The following COL4A2 variants were observed in gnomAD, a reference collection of about 807,000 sequenced individuals.
COL4A2 encodes collagen alpha-2(IV) chain.
A neutral mutation model predicts 200.2 loss-of-function variants in COL4A2; 99 were observed. That is an observed-to-expected ratio of 0.49 (90% CI 0.42 to 0.58). COL4A2 has a LOEUF of 0.58. COL4A2 is among the 20% of genes least tolerant of loss of function. The pLI, the probability that COL4A2 is intolerant of heterozygous loss-of-function variation, is 0.00. For synonymous variants in COL4A2, 897 were observed against 900.6 expected (o/e 1.00, Z 0.07); for missense variants, 1,950 against 2,314.1 (o/e 0.84, Z 3.23).
chr13:110,511,742 T>C (rs1269056550), intron 47 of COL4A2, among the ~76,000 whole-genome samples, 192 bp from the exon 48 acceptor site: 1 of 148,904 alleles, frequency 6.7e-6, no homozygotes, highest in Non-Finnish European at 1.5e-5. Context: ...GGCTGCCTCC[T>C]GCAGGGGGCC....
chr13:110,441,738 G>A (rs1018749367), intron 16 of COL4A2, among the ~76,000 whole-genome samples: 3 of 152,100 alleles, frequency 2.0e-5, no homozygotes, highest in African/African-American at 7.2e-5. Context: ...TTCCTACCAT[G>A]TGCTGGTAAA....
chr13:110,462,478 C>T, intron 24 of COL4A2, 94 bp downstream of exon 24: 9 of 1,207,532 alleles, frequency 7.5e-6, no homozygotes, highest in Admixed American at 1.9e-5. Flanking sequence ...GACATGAGCA[C>T]TAAACCAACC....
intron 25 of COL4A2, 26 bp from the exon 26 acceptor site, chr13:110,465,977 A>T: frequency 6.2e-7 from 1 of 1,609,756 alleles, no homozygotes; most frequent in South Asian, 1.1e-5. Context: ...AAATTGCCTC[A>T]CTCTGTCCTT....
At chr13:110,483,328 G>A (rs977266804) in intron 32 of COL4A2, among the ~76,000 whole-genome samples, 12 of 152,290 alleles carry the variant, frequency 7.9e-5, no homozygotes, top group Admixed American at 2.6e-4. Flanking sequence ...AAAACGCTGC[G>A]GCCAGTGTGC....
rs374611808 is a variant in COL4A2, at chr13:110,489,412, C to T, written c.3208-33C>T. On this transcript the variant is annotated intron_variant, in intron 34 of 47. Coordinates refer to ENST00000360467, the MANE Select transcript of COL4A2 (RefSeq NM_001846.4). Reference sequence around the variant, plus strand: ...TCAGAGTTACAACTGACTTCGCTAACAGCCTTCTAAGATGGTTCATGTCTG... The same window carrying T: ...TCAGAGTTACAACTGACTTCGCTAATAGCCTTCTAAGATGGTTCATGTCTG... 26 of 1,608,732 alleles carry T rather than the reference C, an allele frequency of 1.6e-5. No homozygotes were observed. The African/African-American group carries it at 3.3e-4, about 21-fold the overall frequency.
Position 110,480,258 on chromosome 13 carries a change from G to C in COL4A2, c.2626G>C (p.Ala876Pro). The change falls in exon 31 of 48, where the codon GCT (alanine) becomes CCT (proline). Residue 876 changes from alanine (A) to proline (P), a missense_variant. Physicochemically the swap from Ala to Pro is conservative, Grantham distance 27. Coordinates refer to ENST00000360467, the MANE Select transcript of COL4A2 (RefSeq NM_001846.4). ...TAGAGGGGACCCTGGGGACACAGGC[G>C]CTCCTGGCCCTGTGGGCATGAAAGG... ...GDRGDPGDTG[A>P]PGPVGMKGLS... 6.2e-7 allele frequency: 1 copy of C among 1,612,266 alleles called. No homozygotes were observed. The highest frequency in any genetic ancestry group is 1.3e-5 in the African/African-American group (1 of 74,996).
In COL4A2 at chr13:110,473,051, G is replaced by C. The variant is rs1882540552; in HGVS notation, c.2326G>C (p.Val776Leu). The C allele has an allele frequency of 7.2e-6, 11 of 1,526,052 alleles. No homozygotes were observed. The highest frequency in any genetic ancestry group is 7.0e-6 in the Non-Finnish European group (8 of 1,136,874). 94.5% of individuals were successfully genotyped at this position (1,526,052 alleles called of 1,614,324 possible). The stretch of plus-strand genomic sequence containing the variant: ...TGGGGAAAGGGGCCTCCCTGGAGAA[G>C]TCCTGGGAGCTCAGCCCGGGCCACG... ...PPGERGLPGE[V>L]LGAQPGPRGD... The change falls in exon 29 of 48, where the codon GTC becomes CTC. Residue 776 changes from valine to leucine, a missense_variant. Transcript: ENST00000360467.
In COL4A2 at chr13:110,357,663, T is replaced by A. The variant is rs1877339656; in HGVS notation, c.180+111T>A. On this transcript the variant is annotated intron_variant, in intron 4 of 47. Coordinates refer to ENST00000360467, the MANE Select transcript of COL4A2 (RefSeq NM_001846.4). ...GTGGCTGGGCAGTTTCATCATTGCT[T>A]GAACATACTGGAGAGTACTCACACA... The A allele has an allele frequency of 2.7e-6, 4 of 1,456,864 alleles. No homozygotes were observed. The South Asian group carries it at 4.0e-5, about 14-fold the overall frequency. 90.2% of individuals were successfully genotyped at this position (1,456,864 alleles called of 1,614,324 possible).
intron 3 of COL4A2, among the ~76,000 whole-genome samples, chr13:110,327,458 A>G: frequency 6.6e-6 from 1 of 152,238 alleles, no homozygotes; most frequent in Non-Finnish European, 1.5e-5. Context: ...CCGTCCCAGC[A>G]GGTCAGTCTC....
intron 4 of COL4A2, among the ~76,000 whole-genome samples, chr13:110,382,582 A>G (rs911821193): frequency 1.3e-5 from 2 of 152,232 alleles, no homozygotes; most frequent in Non-Finnish European, 2.9e-5. Context: ...AATAAATACA[A>G]TGTCACACAA....
At position 110,465,529 on chromosome 13, in the gene COL4A2, T is replaced by A; in HGVS notation, c.1901T>A (p.Phe634Tyr). Residue 634 changes from phenylalanine to tyrosine, a missense_variant, in exon 25 of 48, where the codon TTC becomes TAC. Transcript: ENST00000360467. The part of the protein sequence containing the change: ...GLPGLKGQRG[F>Y]PGDAGLPGPP... Reference sequence around the variant, plus strand: ...CCCGGCCTCAAAGGCCAACGTGGTTTCCCTGGAGACGCCGGCTTACCTGGA... The same window carrying A: ...CCCGGCCTCAAAGGCCAACGTGGTTACCCTGGAGACGCCGGCTTACCTGGA... 6.2e-7 allele frequency: 1 copy of A among 1,614,006 alleles called. No homozygotes were observed. Among genetic ancestry groups the A allele is most frequent in the Non-Finnish European group, 8.5e-7 (1 of 1,180,010 alleles).
In COL4A2 at chr13:110,456,592, T is replaced by C. The variant is rs190095024; in HGVS notation, c.1340-751T>C. On this transcript the variant is annotated intron_variant, in intron 20 of 47. Transcript: ENST00000360467. ...TATTTCTTTCCAACCCTGAAGGCTA[T>C]CGCCACAAAATAGTCTAAGTTTTCT... The C allele has an allele frequency of 1.1e-5, 4 of 366,280 alleles. No homozygotes were observed. The Admixed American group carries it at 1.5e-4, about 14-fold the overall frequency. The allele number at this position is 366,280 out of a possible 1,614,324, so 22.7% of individuals were successfully genotyped here.
chr13:110,462,344 G>T lies in COL4A2; in HGVS notation c.1736G>T (p.Arg579Leu), dbSNP rs777360782. 2 of 1,614,006 alleles carry T rather than the reference G, an allele frequency of 1.2e-6. No homozygotes were observed. Among genetic ancestry groups the T allele is most frequent in the Non-Finnish European group, 1.7e-6 (2 of 1,180,040 alleles). The change falls in exon 24 of 48, where the codon CGC becomes CTC. Residue 579 changes from arginine to leucine, a missense_variant. Physicochemically the swap from Arg to Leu is moderately radical, Grantham distance 102. Coordinates refer to ENST00000360467, the MANE Select transcript of COL4A2 (RefSeq NM_001846.4). Reference protein sequence around the residue: ...GMKGDDGSPGRDGLDGFPGLP... With the variant: ...GMKGDDGSPGLDGLDGFPGLP... Reference sequence around the variant, plus strand: ...AAAGGTGACGATGGCAGCCCAGGCCGCGATGGGCTCGATGGATTCCCCGGC... The same window carrying T: ...AAAGGTGACGATGGCAGCCCAGGCCTCGATGGGCTCGATGGATTCCCCGGC...
intron 3 of COL4A2, among the ~76,000 whole-genome samples, chr13:110,310,729 C>T (rs1345144085): frequency 6.6e-6 from 1 of 152,180 alleles, no homozygotes; most frequent in Non-Finnish European, 1.5e-5. Flanking sequence ...AGCCCTTTGG[C>T]TTGTTTTGTT....
chr13:110,406,836 A>C (rs544548841), intron 4 of COL4A2, among the ~76,000 whole-genome samples: 5 of 152,200 alleles, frequency 3.3e-5, no homozygotes, highest in Admixed American at 3.3e-4. Flanking sequence ...AGCAGTCCTC[A>C]TTCCTTTGGT....
At chr13:110,363,649 A>C (rs1877614298) in intron 4 of COL4A2, among the ~76,000 whole-genome samples, 1 of 152,194 alleles carries the variant, frequency 6.6e-6, no homozygotes, top group African/African-American at 2.4e-5. Flanking sequence ...CCCCACGCAG[A>C]TATGAAGCAA....
intron 4 of COL4A2, among the ~76,000 whole-genome samples, chr13:110,371,422 T>A (rs901773996): frequency 2.6e-5 from 4 of 152,234 alleles, no homozygotes; most frequent in African/African-American, 4.8e-5. Context: ...ATTTTCTGTA[T>A]GCGTGTATTT....
chr13:110,459,149 C>T (rs552265440), intron 22 of COL4A2: 4 of 462,382 alleles, frequency 8.7e-6, no homozygotes, highest in East Asian at 3.6e-5. Context: ...CTGTGGGAAC[C>T]GCAGCCGACA....
At chr13:110,385,613 C>T (rs1468148384) in intron 4 of COL4A2, among the ~76,000 whole-genome samples, 12 of 126,328 alleles carry the variant, frequency 9.5e-5, no homozygotes, top group East Asian at 4.3e-4. Context: ...GTGGATAGGC[C>T]GTGGCTACAG....
Sources: gnomAD v4.1 joint callset for allele counts (sites outside exome capture counted in the v4.1 genomes callset) on GRCh38, gnomAD v4.1.1 for gene constraint, MANE v1.5 for transcripts, NCBI Gene and HGNC (gene_info 2026-07-23, HGNC 2026-07-21) for gene names.